The following PTGDR variants were observed in gnomAD, a reference collection of about 807,000 sequenced individuals.
PTGDR encodes PGD2 receptor.
Under a neutral mutation model 17.4 loss-of-function variants are expected in PTGDR, and 19 were observed. The observed-to-expected ratio is 1.09, with a 90% confidence interval of 0.76 to 1.60. The LOEUF (loss-of-function observed/expected upper bound fraction) is 1.60, where lower values mean the gene tolerates loss of function less well. Among genes scored for constraint, PTGDR ranks in the 40% most tolerant of loss-of-function variants. PTGDR has a pLI of 0.00. For missense variants in PTGDR, 526 were observed against 481.9 expected, an observed-to-expected ratio of 1.09 and a Z score of -0.86; for synonymous variants, 267 against 224.2, an observed-to-expected ratio of 1.19 and a Z score of -1.71.
At chr14:52,277,867 AAAG>A (rs2033448479), downstream of PTGDR, among the ~76,000 whole-genome samples, 1 of 152,216 alleles carries the variant, frequency 6.6e-6, no homozygotes, top group Admixed American at 6.5e-5. Flanking sequence ...CAAAAAAAGA[AAAG>A]AAAAGAAAAA....
chr14:52,268,126 G>T lies in PTGDR; in HGVS notation c.312G>T (p.Leu104Phe), dbSNP rs2033243609. 6.2e-7 allele frequency: 1 copy of T among 1,614,152 alleles called. No homozygotes were observed. Among genetic ancestry groups the T allele is most frequent in the Non-Finnish European group, 8.5e-7 (1 of 1,180,054 alleles). The change falls in exon 1 of 2, where the codon TTG (leucine) becomes TTT (phenylalanine). Residue 104 changes from leucine to phenylalanine, a missense_variant. Leu to Phe is a conservative substitution (Grantham distance 22, BLOSUM62 0). Coordinates refer to ENST00000306051, the MANE Select transcript of PTGDR (RefSeq NM_000953.3). ...TTGCGCCCGCATTGGACAACTCGTT[G>T]TGCCAAGCCTTCGCCTTCTTCATGT... is the stretch of plus-strand genomic sequence containing the variant. ...RVLAPALDNS[L>F]CQAFAFFMSF...
intron 1 of PTGDR, among the ~76,000 whole-genome samples, chr14:52,271,973 G>A (rs2033330198): frequency 6.6e-6 from 1 of 152,024 alleles, no homozygotes; most frequent in South Asian, 2.1e-4. Context: ...TTTTACATGA[G>A]TTTTTTTTCT....
chr14:52,267,851 T>C lies in PTGDR; in HGVS notation c.37T>C (p.Ser13Pro). 6.3e-7 allele frequency: 1 copy of C among 1,593,290 alleles called. No individual in the cohort carries two copies. The highest frequency in any genetic ancestry group is 8.6e-7 in the Non-Finnish European group (1 of 1,168,824). Reference protein sequence around the residue: ...SPFYRCQNTTSVEKGNSAVMG... With the variant: ...SPFYRCQNTTPVEKGNSAVMG... Reference sequence around the variant, plus strand: ...GTTCTACCGCTGCCAGAACACCACCTCTGTGGAAAAAGGCAACTCGGCGGT... The same window carrying C: ...GTTCTACCGCTGCCAGAACACCACCCCTGTGGAAAAAGGCAACTCGGCGGT... Residue 13 changes from serine to proline, a missense_variant, in exon 1 of 2, where the codon TCT (serine) becomes CCT (proline). Transcript: ENST00000306051.
intron 1 of PTGDR, chr14:52,269,660 T>G: frequency 1.2e-6 from 1 of 854,210 alleles, no homozygotes. Flanking sequence ...TGTAGCCATT[T>G]TGGATATTAC....
intron 1 of PTGDR, among the ~76,000 whole-genome samples, chr14:52,274,125 A>G (rs963947046): frequency 6.6e-6 from 1 of 152,216 alleles, no homozygotes; most frequent in Non-Finnish European, 1.5e-5. Flanking sequence ...TTGTGCTAAA[A>G]ATAAGTATAG....
In PTGDR at chr14:52,268,415, G is replaced by A. The variant is rs1566481480; in HGVS notation, c.601G>A (p.Val201Met). The change falls in exon 1 of 2, where the codon GTG becomes ATG. Residue 201 changes from valine to methionine, a missense_variant. Coordinates refer to ENST00000306051, the MANE Select transcript of PTGDR (RefSeq NM_000953.3). ...CTCGCTGTCGGTGCTGGGGTACTCT[G>A]TGCTCTACTCCAGCCTCATGGCGCT... ...EGSLSVLGYS[V>M]LYSSLMALLV... The A allele has an allele frequency of 6.2e-7, 1 of 1,610,942 alleles. No homozygotes were observed. The highest frequency in any genetic ancestry group is 8.5e-7 in the Non-Finnish European group (1 of 1,180,030).
At position 52,267,765 on chromosome 14, in the gene PTGDR, G is replaced by T; in HGVS notation, c.-50G>T. 2 of 1,496,646 alleles carry T rather than the reference G, an allele frequency of 1.3e-6. No individual in the cohort carries two copies. Among genetic ancestry groups the T allele is most frequent in the Non-Finnish European group, 8.9e-7 (1 of 1,126,044 alleles). 92.7% of individuals were successfully genotyped at this position (1,496,646 alleles called of 1,614,324 possible). ...GGGCTCCTTAGCACCCGGGCGCCGG[G>T]GCCCTCGCCCTTCCGCAGCCTTCAC... On this transcript the variant is annotated 5_prime_UTR_variant, in exon 1 of 2. Coordinates refer to ENST00000306051, the MANE Select transcript of PTGDR (RefSeq NM_000953.3).
rs913207677 is a variant in PTGDR, at chr14:52,268,701, T to C, written c.846+41T>C. On this transcript the variant is annotated intron_variant, in intron 1 of 1. Transcript: ENST00000306051. ...CCGAGGCAGCAGGGCACTGAGACTG[T>C]CCGGCCGCGGATGCGGGGCGGGAAG... is the stretch of plus-strand genomic sequence containing the variant. 5.9e-6 allele frequency: 9 copies of C among 1,517,708 alleles called. No homozygotes were observed. In the African/African-American group the frequency reaches 1.2e-4, roughly 21 times the overall value. 94.0% of individuals were successfully genotyped at this position (1,517,708 alleles called of 1,614,324 possible).
In PTGDR at chr14:52,269,285, G is replaced by A. The variant is rs1038123056; in HGVS notation, c.846+625G>A. ...ATCCGCCAGGGATTGTGGCGATGGA[G>A]GCCGAGGCTCTTTGTATGTTTTAGC... is the stretch of plus-strand genomic sequence containing the variant. On this transcript the variant is annotated intron_variant, in intron 1 of 1. Transcript: ENST00000306051. 3.3e-5 allele frequency among the ~76,000 whole-genome samples: 5 copies of A among 152,324 alleles called. No individual in the cohort carries two copies. The South Asian group carries it at 1.0e-3, about 32-fold the overall frequency.
downstream of PTGDR, among the ~76,000 whole-genome samples, chr14:52,280,246 A>G (rs1464416474): frequency 6.6e-6 from 1 of 152,244 alleles, no homozygotes; most frequent in African/African-American, 2.4e-5. Context: ...CTGTCATGAC[A>G]CACAATTCAT....
chr14:52,279,271 C>T (rs950325541), downstream of PTGDR, among the ~76,000 whole-genome samples: 1 of 152,074 alleles, frequency 6.6e-6, no homozygotes, highest in South Asian at 2.1e-4. Context: ...CTTAGGCCAA[C>T]CAAAGGTGAA....
downstream of PTGDR, among the ~76,000 whole-genome samples, chr14:52,278,841 G>A (rs1427918628): frequency 1.3e-5 from 2 of 151,982 alleles, no homozygotes; most frequent in Non-Finnish European, 2.9e-5. Flanking sequence ...AAGAGCCTTT[G>A]TTTATGAAAA....
At chr14:52,269,662 G>T in intron 1 of PTGDR, 2 of 828,424 alleles carry the variant, frequency 2.4e-6, no homozygotes, top group Non-Finnish European at 3.7e-6. Context: ...TAGCCATTTT[G>T]GATATTACTT....
intron 1 of PTGDR, among the ~76,000 whole-genome samples, chr14:52,273,722 C>T (rs1035402465): frequency 6.6e-6 from 1 of 152,154 alleles, no homozygotes; most frequent in Non-Finnish European, 1.5e-5. Flanking sequence ...TCTCTGATTG[C>T]CTCGAATGGG....
Position 52,275,582 on chromosome 14 carries a change from G to C in PTGDR, c.*618G>C, listed in dbSNP as rs2033409721. 1 of 152,430 alleles carries C rather than the reference G, an allele frequency of 6.6e-6. No individual in the cohort carries two copies. The highest frequency in any genetic ancestry group is 2.4e-5 in the African/African-American group (1 of 41,442). The allele number at this position is 152,430 out of a possible 1,614,324, so 9.4% of individuals were successfully genotyped here. On this transcript the variant is annotated 3_prime_UTR_variant, in exon 2 of 2. Transcript: ENST00000306051. Reference sequence around the variant, plus strand: ...GGGAGTACTTGCTGCCTCAGGTGGAGACCTGAAGCTGTAACTAGATGCAGA... The same window carrying C: ...GGGAGTACTTGCTGCCTCAGGTGGACACCTGAAGCTGTAACTAGATGCAGA...
rs1392556669 is a variant in PTGDR at position 52,274,875 on chromosome 14, T to G, written c.991T>G (p.Phe331Val). ...TTTTATCATTTTCAGATCTCCAGTA[T>G]TTCGGATATTTTTTCACAAGATTTT... ...WIFIIFRSPV[F>V]RIFFHKIFIR... The change falls in exon 2 of 2, where the codon TTT becomes GTT. Residue 331 changes from phenylalanine to valine, a missense_variant. Transcript: ENST00000306051. 7 of 1,608,984 alleles carry G rather than the reference T, an allele frequency of 4.4e-6. No individual in the cohort carries two copies.
At position 52,275,004 on chromosome 14, in the gene PTGDR, C is replaced by A; in HGVS notation, c.*40C>A. The A allele has an allele frequency of 3.0e-6, 4 of 1,321,548 alleles. No individual in the cohort carries two copies. Among genetic ancestry groups the A allele is most frequent in the Non-Finnish European group, 4.2e-6 (4 of 950,962 alleles). The allele number at this position is 1,321,548 out of a possible 1,614,324, so 81.9% of individuals were successfully genotyped here. On this transcript the variant is annotated 3_prime_UTR_variant, in exon 2 of 2. Coordinates refer to ENST00000306051, the MANE Select transcript of PTGDR (RefSeq NM_000953.3). ...CTGTGGTAAGCTGAGGAATATGTCA[C>A]ATTTTCAGTCAAAGAACCATGATTA...
At position 52,268,096 on chromosome 14, in the gene PTGDR, G is replaced by T; in HGVS notation, c.282G>T (p.Arg94=). The change falls in exon 1 of 2, where the codon CGG becomes CGT. Residue 94 remains arginine, a synonymous_variant. Coordinates refer to ENST00000306051, the MANE Select transcript of PTGDR (RefSeq NM_000953.3). ...LAAYAQNRSL[R]VLAPALDNSL... Reference sequence around the variant, plus strand: ...CCTACGCTCAGAACCGGAGTCTGCGGGTGCTTGCGCCCGCATTGGACAACT... The same window carrying T: ...CCTACGCTCAGAACCGGAGTCTGCGTGTGCTTGCGCCCGCATTGGACAACT... 1 of 1,613,916 alleles carries T rather than the reference G, an allele frequency of 6.2e-7. No individual in the cohort carries two copies. Among genetic ancestry groups the T allele is most frequent in the Non-Finnish European group, 8.5e-7 (1 of 1,180,050 alleles).
At chr14:52,268,690 C>T (rs767305088) in intron 1 of PTGDR, 30 bp downstream of exon 1, 1 of 1,532,598 alleles carries the variant, frequency 6.5e-7, no homozygotes, top group Non-Finnish European at 8.8e-7. Flanking sequence ...GGCAGCAGGG[C>T]ACTGAGACTG....
Sources: allele counts gnomAD v4.1 joint callset (sites outside exome capture counted in the v4.1 genomes callset), GRCh38; gene constraint gnomAD v4.1.1; transcripts MANE v1.5; gene names NCBI Gene and HGNC (gene_info 2026-07-23, HGNC 2026-07-21).